Variants in GNA13 observed in about 807,000 individuals in gnomAD.
GNA13 encodes guanine nucleotide-binding protein subunit alpha-13.
GNA13 carries 4 observed loss-of-function variants against 33.5 expected under a neutral mutation model. That is an observed-to-expected ratio of 0.12 (90% CI 0.06 to 0.27). GNA13 has a LOEUF of 0.27. Among genes scored for constraint, GNA13 ranks in the 10% least tolerant of loss-of-function variants. The pLI is 1.00. For synonymous variants in GNA13, 176 were observed against 183.8 expected (o/e 0.96, Z 0.34); for missense variants, 319 against 487.2 (o/e 0.65, Z 3.25).
At position 65,047,332 on chromosome 17, in the gene GNA13, T is replaced by G. The variant is rs1397049219; in HGVS notation, c.510+6170A>C. ...GAGCCCAGGAGTCCCAAGGTTACAGTGAACTATGATCACACCACTGCACTC... is the reference window on the plus strand; with the variant it reads ...GAGCCCAGGAGTCCCAAGGTTACAGGGAACTATGATCACACCACTGCACTC... On this transcript the variant is annotated intron_variant, in intron 2 of 3. Transcript: ENST00000439174. 7.2e-5 allele frequency among the ~76,000 whole-genome samples: 11 copies of G among 152,248 alleles called. No homozygotes were observed. In the South Asian group the frequency reaches 2.3e-3, roughly 32 times the overall value.
At chr17:65,042,184 C>A (rs1235262599) in intron 2 of GNA13, among the ~76,000 whole-genome samples, 1 of 151,894 alleles carries the variant, frequency 6.6e-6, no homozygotes, top group African/African-American at 2.4e-5. Flanking sequence ...AATGGAGAAA[C>A]CTTGTCTCTA....
rs367960549 is a variant in GNA13, at chr17:65,026,870, C to T, written c.511-8567G>A. ...CCTGGCTCACCACAACCTCCGCCTC[C>T]CAGGTTCAAGCGATTCTTCTGCCTC... On this transcript the variant is annotated intron_variant, in intron 2 of 3. Coordinates refer to ENST00000439174, the MANE Select transcript of GNA13 (RefSeq NM_006572.6). Among the ~76,000 whole-genome samples, 8 of 152,290 alleles carry T rather than the reference C, an allele frequency of 5.3e-5. No individual in the cohort carries two copies. In the East Asian group the frequency reaches 1.3e-3, roughly 26 times the overall value.
chr17:65,028,722 A>G (rs1391600297), intron 2 of GNA13, among the ~76,000 whole-genome samples: 6 of 152,128 alleles, frequency 3.9e-5, no homozygotes, highest in African/African-American at 1.4e-4. Context: ...AAGAAAGATG[A>G]AAGTCAAGGA....
At chr17:65,021,673 G>GTT (rs1384264020) in intron 2 of GNA13, among the ~76,000 whole-genome samples, 1 of 152,198 alleles carries the variant, frequency 6.6e-6, no homozygotes, top group Non-Finnish European at 1.5e-5. Context: ...CTGATCTGCT[G>GTT]TTTTAGAACA....
Position 65,056,735 on chromosome 17 carries a change from C to T in GNA13, c.-142G>A. The T allele has an allele frequency of 4.9e-6, 2 of 408,068 alleles. No homozygotes were observed. Among genetic ancestry groups the T allele is most frequent in the Non-Finnish European group, 8.0e-6 (2 of 249,884 alleles). The allele number at this position is 408,068 out of a possible 1,614,324, so 25.3% of individuals were successfully genotyped here. On this transcript the variant is annotated 5_prime_UTR_variant, in exon 1 of 4. Transcript: ENST00000439174. ...CGCGCCCAGGGAGGGAGGGAACCAGCGAACTGACTCGCAGGGCGGGCCGGG... is the reference window on the plus strand; with the variant it reads ...CGCGCCCAGGGAGGGAGGGAACCAGTGAACTGACTCGCAGGGCGGGCCGGG...
intron 2 of GNA13, among the ~76,000 whole-genome samples, chr17:65,043,762 C>T (rs1907548479): frequency 6.6e-6 from 1 of 152,084 alleles, no homozygotes; most frequent in African/African-American, 2.4e-5. Context: ...AAGAGTTCCA[C>T]TAAAGTATTC....
chr17:65,044,332 A>G lies in GNA13; in HGVS notation c.510+9170T>C, dbSNP rs1183554867. Among the ~76,000 whole-genome samples, 4 of 152,224 alleles carry G rather than the reference A, an allele frequency of 2.6e-5. No individual in the cohort carries two copies. In the East Asian group the frequency reaches 7.7e-4, roughly 29 times the overall value. On this transcript the variant is annotated intron_variant, in intron 2 of 3. Coordinates refer to ENST00000439174, the MANE Select transcript of GNA13 (RefSeq NM_006572.6). ...CTGCTCTGCTAATGTGGCTATAACA[A>G]GTTCTTTTGAATAAAAGGCATCTTG... is the stretch of plus-strand genomic sequence containing the variant.
At chr17:65,052,899 C>T (rs775110106) in intron 2 of GNA13, among the ~76,000 whole-genome samples, 1 of 152,120 alleles carries the variant, frequency 6.6e-6, no homozygotes, top group Non-Finnish European at 1.5e-5. Context: ...TGGTGGCACG[C>T]GCCTATAGAC....
intron 2 of GNA13, among the ~76,000 whole-genome samples, chr17:65,050,880 A>C (rs567472992): frequency 2.0e-5 from 3 of 152,188 alleles, no homozygotes; most frequent in Admixed American, 6.5e-5. Context: ...TCTGGAACTT[A>C]TCTCTCCTCA....
intron 2 of GNA13, among the ~76,000 whole-genome samples, chr17:65,025,728 C>T (rs1040684691): frequency 6.6e-6 from 1 of 151,624 alleles, no homozygotes; most frequent in African/African-American, 2.4e-5. Flanking sequence ...GCCTGTAATC[C>T]CAGCACTTTG....
In GNA13 at chr17:65,018,314, GA is replaced by G; in HGVS notation, c.511-12del. The G allele has an allele frequency of 7.4e-7, 1 of 1,351,518 alleles. No homozygotes were observed. The highest frequency in any genetic ancestry group is 1.1e-6 in the Non-Finnish European group (1 of 940,852). The allele number at this position is 1,351,518 out of a possible 1,614,324, so 83.7% of individuals were successfully genotyped here. A position where few individuals can be genotyped will look rare whatever the true frequency, so the allele number is the denominator to read the frequency against. On this transcript the variant is annotated splice_polypyrimidine_tract_variant and intron_variant, in intron 2 of 3. Coordinates refer to ENST00000439174, the MANE Select transcript of GNA13 (RefSeq NM_006572.6). ...TTTTACAGATTCACCCTAAAAACAA[GA>G]AGAAAACAAATAGTTATTAGGGCTT...
intron 1 of GNA13, 108 bp downstream of exon 1, chr17:65,056,203 C>A: frequency 1.0e-6 from 1 of 952,926 alleles, no homozygotes; most frequent in African/African-American, 1.7e-5. Context: ...CCGCCGGGCC[C>A]GTTCCTTCGC....
chr17:65,031,921 A>AGAGAGTGT (rs770161529), intron 2 of GNA13, among the ~76,000 whole-genome samples: 28 of 91,676 alleles, frequency 3.1e-4, no homozygotes, highest in South Asian at 1.9e-3. Context: ...AGAGAGAGAG[A>AGAGAGTGT]GTGTGTGTGT....
rs1411961071 is a variant in GNA13, at chr17:65,016,551, G to A, written c.561+1702C>T. ...ACTTCTTTGTATTTCTAGTAAAGAC[G>A]GGGTTTCACCATTTTGGCCAGGCTG... On this transcript the variant is annotated intron_variant, in intron 3 of 3. Coordinates refer to ENST00000439174, the MANE Select transcript of GNA13 (RefSeq NM_006572.6). Among the ~76,000 whole-genome samples, 11 of 152,134 alleles carry A rather than the reference G, an allele frequency of 7.2e-5. No individual in the cohort carries two copies. In the East Asian group the frequency reaches 9.6e-4, roughly 13 times the overall value.
chr17:65,056,244 G>GC (rs2143838059), intron 1 of GNA13, 67 bp downstream of exon 1: 9 of 1,032,472 alleles, frequency 8.7e-6, no homozygotes, highest in African/African-American at 1.6e-5. Flanking sequence ...GCGGTGCCCC[G>GC]CCCCGCACCC....
At chr17:65,040,682 C>A (rs546407783) in intron 2 of GNA13, among the ~76,000 whole-genome samples, 2 of 151,948 alleles carry the variant, frequency 1.3e-5, no homozygotes, top group Non-Finnish European at 2.9e-5. Context: ...TTAGTAGAGA[C>A]GGGTTTCACC....
chr17:65,029,481 T>C (rs1906922005), intron 2 of GNA13, among the ~76,000 whole-genome samples: 1 of 152,184 alleles, frequency 6.6e-6, no homozygotes, highest in Admixed American at 6.5e-5. Flanking sequence ...GTCAGGGAAG[T>C]TAGGTGGCTT....
chr17:65,037,688 T>C (rs563997012), intron 2 of GNA13, among the ~76,000 whole-genome samples: 6 of 142,948 alleles, frequency 4.2e-5, no homozygotes, highest in South Asian at 2.2e-4. Flanking sequence ...TCCCAACACA[T>C]TGGGAGGCCG....
Position 65,009,892 on chromosome 17 carries a change from CA to C in GNA13, c.*4364del, listed in dbSNP as rs1447580102. Among the ~76,000 whole-genome samples, 1 of 152,102 alleles carries C rather than the reference CA, an allele frequency of 6.6e-6. No individual in the cohort carries two copies. The highest frequency in any genetic ancestry group is 1.5e-5 in the Non-Finnish European group (1 of 68,010). On this transcript the variant is annotated 3_prime_UTR_variant, in exon 4 of 4. Transcript: ENST00000439174. The stretch of plus-strand genomic sequence containing the variant: ...TTACTATGGCAAAAAATATTATATA[CA>C]AGCTTTCTTAACACAAACCAAAGTC...
Sources: gnomAD v4.1 joint callset for allele counts (sites outside exome capture counted in the v4.1 genomes callset) on GRCh38, gnomAD v4.1.1 for gene constraint, MANE v1.5 for transcripts, NCBI Gene and HGNC (gene_info 2026-07-23, HGNC 2026-07-21) for gene names.